The following MS4A3 variants were observed in gnomAD, a reference collection of about 807,000 sequenced individuals.
MS4A3 encodes membrane-spanning 4-domains subfamily A member 3.
A neutral mutation model predicts 24.7 loss-of-function variants in MS4A3; 18 were observed. The ratio of observed to expected loss-of-function variants is 0.73; its 90% CI spans 0.50 to 1.08. MS4A3 has a LOEUF of 1.08. Ranked by LOEUF, MS4A3 falls within the 50% of genes least tolerant of loss-of-function variation. MS4A3 has a pLI of 0.00. For missense variants in MS4A3, 282 were observed against 251.7 expected (o/e 1.12, Z -0.82); for synonymous variants, 84 against 95.3 (o/e 0.88, Z 0.69).
At chr11:60,069,060 A>G (rs1244434852) in intron 5 of MS4A3, among the ~76,000 whole-genome samples, 2 of 152,158 alleles carry the variant, frequency 1.3e-5, no homozygotes, top group Non-Finnish European at 1.5e-5. Flanking sequence ...CTCCAGGGAT[A>G]TATTGTATTG....
At chr11:60,065,451 G>A (rs1335563807) in intron 4 of MS4A3, among the ~76,000 whole-genome samples, 1 of 152,092 alleles carries the variant, frequency 6.6e-6, no homozygotes, top group Non-Finnish European at 1.5e-5. Flanking sequence ...CCCTGCTAGG[G>A]ACAGGCACAA....
chr11:60,069,513 ATT>A (rs112586570), intron 5 of MS4A3, 59 bp from the exon 6 acceptor site: 296 of 947,494 alleles, frequency 3.1e-4, no homozygotes, highest in South Asian at 4.3e-4. Context: ...TCCTGCTGAC[ATT>A]TTTTTTTTTA....
intron 5 of MS4A3, 125 bp from the exon 6 acceptor site, chr11:60,069,449 A>C: frequency 1.5e-6 from 1 of 665,130 alleles, no homozygotes; most frequent in Middle Eastern, 2.6e-4. Context: ...CTCTGTCTTT[A>C]ATTTATGGTT....
rs148629686 is a variant in MS4A3, at chr11:60,069,588, A to G, written c.528A>G (p.Leu176=). The G allele has an allele frequency of 3.5e-5, 57 of 1,612,276 alleles. 1 individual carries two copies. In the African/African-American group the frequency reaches 3.6e-4, roughly 10 times the overall value. ...ATATCCCCTAGGGCATGGTGTCTCT[A>G]CTGCTGATTCTCACCTTGCTGGAAT... ...MGSISNGMVS[L]LLILTLLELC... Residue 176 remains leucine, a synonymous_variant, in exon 6 of 7, where the codon CTA becomes CTG. Transcript: ENST00000278865.
At position 60,067,102 on chromosome 11, in the gene MS4A3, C is replaced by G; in HGVS notation, c.503C>G (p.Ser168Cys). 1 of 1,603,276 alleles carries G rather than the reference C, an allele frequency of 6.2e-7. No homozygotes were observed. The highest frequency in any genetic ancestry group is 1.7e-4 in the Middle Eastern group (1 of 6,032). Residue 168 changes from serine to cysteine, a missense_variant, in exon 5 of 7, where the codon TCC becomes TGC. Transcript: ENST00000278865. ...CCGGACCTATGCAATTACATGGGCT[C>G]CATATCAAATGTATGTTTCTGAAAA... Reference protein sequence around the residue: ...ESPDLCNYMGSISNGMVSLLL... With the variant: ...ESPDLCNYMGCISNGMVSLLL...
At chr11:60,063,352 G>A (rs1310362549) in intron 3 of MS4A3, among the ~76,000 whole-genome samples, 5 of 152,114 alleles carry the variant, frequency 3.3e-5, no homozygotes, top group Non-Finnish European at 5.9e-5. Context: ...AGAAGAAATA[G>A]GGGTGATTTT....
At chr11:60,058,204 G>A (rs539884767) in intron 1 of MS4A3, among the ~76,000 whole-genome samples, 6 of 152,024 alleles carry the variant, frequency 3.9e-5, no homozygotes, top group African/African-American at 1.4e-4. Context: ...TATGACATGT[G>A]GGCTGAAAAT....
intron 1 of MS4A3, among the ~76,000 whole-genome samples, chr11:60,060,348 T>C (rs1001923287): frequency 6.6e-5 from 10 of 152,172 alleles, no homozygotes; most frequent in Non-Finnish European, 1.5e-4. Context: ...TGATGAAATC[T>C]GGATTTGAAT....
intron 1 of MS4A3, among the ~76,000 whole-genome samples, chr11:60,057,395 T>TTTTG (rs1368250976): frequency 6.6e-6 from 1 of 150,620 alleles, no homozygotes; most frequent in African/African-American, 2.4e-5. Flanking sequence ...TTCTCTGATT[T>TTTTG]TGTGTGTGTG....
chr11:60,058,994 C>A (rs569174245), intron 1 of MS4A3, among the ~76,000 whole-genome samples: 4 of 152,090 alleles, frequency 2.6e-5, no homozygotes, highest in Middle Eastern at 3.2e-3. Context: ...GGTTCCTTGT[C>A]ATTTCACATT....
chr11:60,070,151 GAGA>G (rs1467888569), intron 6 of MS4A3, 50 bp from the exon 7 acceptor site: 5 of 1,433,928 alleles, frequency 3.5e-6, no homozygotes, highest in African/African-American at 1.4e-5. Context: ...GGGATGGGAG[GAGA>G]AGGAGATAAT....
Position 60,062,444 on chromosome 11 carries a change from C to T in MS4A3, c.157-24C>T, listed in dbSNP as rs750741731. The T allele has an allele frequency of 2.5e-6, 4 of 1,613,634 alleles. No individual in the cohort carries two copies. The African/African-American group carries it at 4.0e-5, about 16-fold the overall frequency. On this transcript the variant is annotated intron_variant, in intron 2 of 6. Transcript: ENST00000278865. ...TCCACTTTAGTATATGACTGTTACGCCTTTTTCCCCTTTCTTCTTTCAGGC... is the reference window on the plus strand; with the variant it reads ...TCCACTTTAGTATATGACTGTTACGTCTTTTTCCCCTTTCTTCTTTCAGGC...
chr11:60,068,700 T>G (rs951640075), intron 5 of MS4A3, among the ~76,000 whole-genome samples: 2 of 152,160 alleles, frequency 1.3e-5, no homozygotes, highest in East Asian at 1.9e-4. Context: ...GCTTCCTGTT[T>G]TCTTTTTATT....
intron 5 of MS4A3, among the ~76,000 whole-genome samples, chr11:60,068,054 A>G (rs1855399911): frequency 6.6e-6 from 1 of 151,466 alleles, no homozygotes; most frequent in South Asian, 2.1e-4. Flanking sequence ...CTGTCTCAAA[A>G]AATAAAAAAA....
intron 5 of MS4A3, among the ~76,000 whole-genome samples, chr11:60,068,507 C>T (rs2134669528): frequency 6.6e-6 from 1 of 151,810 alleles, no homozygotes. Context: ...CCGCCTCTGC[C>T]TCCCAAAGTG....
At position 60,070,249 on chromosome 11, in the gene MS4A3, TAATTCTGAGAGC is replaced by T. The variant is rs1461653722; in HGVS notation, c.*18_*29del. The T allele has an allele frequency of 1.3e-5, 19 of 1,513,026 alleles. No homozygotes were observed. Among genetic ancestry groups the T allele is most frequent in the East Asian group, 2.3e-5 (1 of 42,576 alleles). The allele number at this position is 1,513,026 out of a possible 1,614,324, so 93.7% of individuals were successfully genotyped here. A position where few individuals can be genotyped will look rare whatever the true frequency, so the allele number is the denominator to read the frequency against. On this transcript the variant is annotated 3_prime_UTR_variant, in exon 7 of 7. Transcript: ENST00000278865. Reference sequence around the variant, plus strand: ...TTCTGTGTAATCAAGAATACCTCCTTAATTCTGAGAGCATGAATATTTGACCTTAAATCTCCA... The same window carrying T: ...TTCTGTGTAATCAAGAATACCTCCTTATGAATATTTGACCTTAAATCTCCA...
chr11:60,067,386 T>C (rs1855382055), intron 5 of MS4A3, among the ~76,000 whole-genome samples: 2 of 151,978 alleles, frequency 1.3e-5, no homozygotes, highest in Admixed American at 6.6e-5. Flanking sequence ...GCTAATTTTT[T>C]GTATTTTTTT....
At position 60,069,643 on chromosome 11, in the gene MS4A3, T is replaced by C; in HGVS notation, c.583T>C (p.Trp195Arg). 6.2e-7 allele frequency: 1 copy of C among 1,613,652 alleles called. No individual in the cohort carries two copies. ...CGTAACCATCTCTACCATAGCCATG[T>C]GGTGCAATGCAAACTGCTGTAATTC... is the stretch of plus-strand genomic sequence containing the variant. ...LCVTISTIAM[W>R]CNANCCNSRE... The change falls in exon 6 of 7, where the codon TGG (tryptophan) becomes CGG (arginine). Residue 195 changes from tryptophan (W) to arginine (R), a missense_variant. Transcript: ENST00000278865.
Position 60,062,449 on chromosome 11 carries a change from T to C in MS4A3, c.157-19T>C. On this transcript the variant is annotated intron_variant, in intron 2 of 6. Transcript: ENST00000278865. ...TTTAGTATATGACTGTTACGCCTTT[T>C]TCCCCTTTCTTCTTTCAGGCCATCC... is the stretch of plus-strand genomic sequence containing the variant. 1 of 1,613,966 alleles carries C rather than the reference T, an allele frequency of 6.2e-7. No individual in the cohort carries two copies. Among genetic ancestry groups the C allele is most frequent in the Non-Finnish European group, 8.5e-7 (1 of 1,179,898 alleles).
Sources: allele counts gnomAD v4.1 joint callset (sites outside exome capture counted in the v4.1 genomes callset), GRCh38; gene constraint gnomAD v4.1.1; transcripts MANE v1.5; gene names NCBI Gene and HGNC (gene_info 2026-07-23, HGNC 2026-07-21).